Variants in CNTNAP4 observed in about 807,000 individuals in gnomAD.
CNTNAP4 encodes the protein contactin associated protein family member 4.
Under a neutral mutation model 148.4 loss-of-function variants are expected in CNTNAP4, and 98 were observed. The observed-to-expected ratio is 0.66, with a 90% CI of 0.56 to 0.78. The LOEUF is 0.78. CNTNAP4 is among the 30% of genes least tolerant of loss of function. The pLI is 0.00. For synonymous variants in CNTNAP4, 730 were observed against 565.1 expected, an observed-to-expected ratio of 1.29 and a Z score of -4.14; for missense variants, 1,935 against 1,565.6, an observed-to-expected ratio of 1.24 and a Z score of -3.98.
intron 3 of CNTNAP4, among the ~76,000 whole-genome samples, chr16:76,403,673 T>C (rs1183010728): frequency 6.6e-6 from 1 of 152,192 alleles, no homozygotes; most frequent in Non-Finnish European, 1.5e-5. Context: ...AACCACCATT[T>C]GGCCCAACAA....
chr16:76,384,244 A>C (rs2016289269), intron 3 of CNTNAP4, among the ~76,000 whole-genome samples: 1 of 151,914 alleles, frequency 6.6e-6, no homozygotes, highest in African/African-American at 2.4e-5. Context: ...AGGTTTCACT[A>C]TGTTGGTCAG....
chr16:76,557,761 G>A (rs1305266530), intron 23 of CNTNAP4: 1 of 152,166 alleles, frequency 6.6e-6, no homozygotes, highest in Non-Finnish European at 1.5e-5. Flanking sequence ...AATGTCAACA[G>A]AGTGAAAAAG....
At chr16:76,475,888 TTAAGA>T in intron 10 of CNTNAP4, 46 bp from the exon 11 acceptor site, 1 of 1,310,972 alleles carries the variant, frequency 7.6e-7, no homozygotes, top group Non-Finnish European at 1.1e-6. Context: ...GGTCAATACT[TTAAGA>T]TATCTAAAAA....
chr16:76,304,312 A>C (rs144587755), intron 1 of CNTNAP4, among the ~76,000 whole-genome samples: 1 of 152,274 alleles, frequency 6.6e-6, no homozygotes, highest in East Asian at 1.9e-4. Context: ...GCTTCAGTGC[A>C]AGGCGACAGG....
At chr16:76,475,355 G>A (rs2081533030) in intron 10 of CNTNAP4, among the ~76,000 whole-genome samples, 1 of 152,276 alleles carries the variant, frequency 6.6e-6, no homozygotes. Context: ...TTAGTCACAC[G>A]GTGTTTGATA....
chr16:76,378,739 AAC>A (rs2015679820), intron 3 of CNTNAP4, among the ~76,000 whole-genome samples: 1 of 152,150 alleles, frequency 6.6e-6, no homozygotes, highest in Admixed American at 6.5e-5. Flanking sequence ...TTCCATATAG[AAC>A]ACAGCTTTTG....
At chr16:76,330,837 A>C (rs1963440893) in intron 2 of CNTNAP4, among the ~76,000 whole-genome samples, 3 of 152,246 alleles carry the variant, frequency 2.0e-5, no homozygotes, top group African/African-American at 7.2e-5. Flanking sequence ...AAATGTCATA[A>C]ATATAAGGAA....
At chr16:76,309,155 T>G (rs1179179492) in intron 1 of CNTNAP4, among the ~76,000 whole-genome samples, 2 of 152,106 alleles carry the variant, frequency 1.3e-5, no homozygotes, top group African/African-American at 4.8e-5. Context: ...CATACTTGTG[T>G]CTTCTGGGTG....
intron 9 of CNTNAP4, among the ~76,000 whole-genome samples, chr16:76,465,997 G>A (rs538376698): frequency 6.6e-6 from 1 of 152,254 alleles, no homozygotes; most frequent in East Asian, 1.9e-4. Context: ...GAAAACTAGT[G>A]TGGATTATAC....
chr16:76,354,063 AG>A (rs2144487739), intron 2 of CNTNAP4, among the ~76,000 whole-genome samples: 1 of 152,316 alleles, frequency 6.6e-6, no homozygotes, highest in African/African-American at 2.4e-5. Flanking sequence ...CAGAGCCTCA[AG>A]GTGAGCAGCA....
intron 1 of CNTNAP4, chr16:76,316,143 G>A (rs1961713262): frequency 2.1e-6 from 1 of 475,714 alleles, no homozygotes; most frequent in Non-Finnish European, 3.7e-6. Flanking sequence ...CTTTTATAAT[G>A]AGGTATAATC....
chr16:76,395,880 C>T (rs903045137), intron 3 of CNTNAP4, among the ~76,000 whole-genome samples: 9 of 151,856 alleles, frequency 5.9e-5, no homozygotes, highest in Non-Finnish European at 1.3e-4. Flanking sequence ...AGGTGTGTCC[C>T]ACAATGGCCG....
At chr16:76,320,509 G>A (rs1449516802) in intron 2 of CNTNAP4, among the ~76,000 whole-genome samples, 1 of 152,200 alleles carries the variant, frequency 6.6e-6, no homozygotes, top group Admixed American at 6.5e-5. Context: ...GATTAGTTAT[G>A]TGACTCTTGA....
intron 3 of CNTNAP4, among the ~76,000 whole-genome samples, chr16:76,418,039 G>A (rs8047489): frequency 0.38 from 57,790 of 151,270 alleles, 11,225 homozygotes; most frequent in Middle Eastern, 0.49. Flanking sequence ...TTTTGTTTTT[G>A]TCTTTGGTTT....
chr16:76,499,817 C>G (rs1293498601), intron 15 of CNTNAP4, among the ~76,000 whole-genome samples: 1 of 151,896 alleles, frequency 6.6e-6, no homozygotes, highest in African/African-American at 2.4e-5. Flanking sequence ...TTGCACCGCC[C>G]TTAATCCATT....
chr16:76,376,179 G>A (rs2144665243), intron 3 of CNTNAP4, among the ~76,000 whole-genome samples: 1 of 151,974 alleles, frequency 6.6e-6, no homozygotes, highest in Non-Finnish European at 1.5e-5. Context: ...AAACCTTTAT[G>A]CAATTAAATG....
intron 3 of CNTNAP4, among the ~76,000 whole-genome samples, chr16:76,392,450 C>T (rs957350290): frequency 6.6e-6 from 1 of 152,092 alleles, no homozygotes; most frequent in Admixed American, 6.6e-5. Context: ...AAAATAGCTA[C>T]TAGAGAAATA....
chr16:76,430,339 G>C (rs1396105133), intron 4 of CNTNAP4, among the ~76,000 whole-genome samples: 1 of 152,130 alleles, frequency 6.6e-6, no homozygotes, highest in Admixed American at 6.6e-5. Flanking sequence ...CATACAGCTT[G>C]CTCTGGGTGG....
At chr16:76,395,270 CTT>C (rs35763868) in intron 3 of CNTNAP4, among the ~76,000 whole-genome samples, 2 of 145,452 alleles carry the variant, frequency 1.4e-5, no homozygotes, top group Non-Finnish European at 1.5e-5. Context: ...GCCAAAGATT[CTT>C]TTTTTTTTTT....
Sources: allele counts gnomAD v4.1 joint callset (sites outside exome capture counted in the v4.1 genomes callset), GRCh38; gene constraint gnomAD v4.1.1; transcripts MANE v1.5; gene names NCBI Gene and HGNC (gene_info 2026-07-23, HGNC 2026-07-21).